The following EGFLAM variants were observed in gnomAD, a reference collection of about 807,000 sequenced individuals.
EGFLAM encodes the protein pikachurin.
EGFLAM carries 79 observed loss-of-function variants against 113.1 expected under a neutral mutation model. That is an observed-to-expected ratio of 0.70 (90% confidence interval 0.58 to 0.84). EGFLAM has a LOEUF of 0.84. Ranked by LOEUF, EGFLAM falls within the 40% of genes least tolerant of loss-of-function variation. EGFLAM has a pLI of 0.00. For synonymous variants in EGFLAM, 504 were observed against 487.6 expected, an observed-to-expected ratio of 1.03 and a Z score of -0.44; for missense variants, 1,265 against 1,291.6, an observed-to-expected ratio of 0.98 and a Z score of 0.32.
chr5:38,313,731 TAATTACTCATGTAATATTTG>T (rs1272215739), intron 1 of EGFLAM, among the ~76,000 whole-genome samples: 1 of 152,250 alleles, frequency 6.6e-6, no homozygotes. Flanking sequence ...TGTACTTCTT[TAATTACTCATGTAATATTTG>T]AATTACTCAT....
Position 38,412,129 on chromosome 5 carries a change from G to T in EGFLAM, c.1350-375G>T, listed in dbSNP as rs533399751. On this transcript the variant is annotated intron_variant, in intron 10 of 21. Coordinates refer to ENST00000322350, the MANE Select transcript of EGFLAM (RefSeq NM_152403.4). ...GTCAACTTTGATTTTAAATACAGGG[G>T]GTACATGTGCAGATTTGCTATGTGG... Among the ~76,000 whole-genome samples the T allele has an allele frequency of 1.1e-4, 17 of 152,212 alleles. No individual in the cohort carries two copies. The East Asian group carries it at 2.9e-3, about 26-fold the overall frequency.
intron 5 of EGFLAM, among the ~76,000 whole-genome samples, chr5:38,369,149 G>A (rs1438415236): frequency 6.6e-6 from 1 of 152,072 alleles, no homozygotes; most frequent in African/African-American, 2.4e-5. Context: ...GAAATACAAC[G>A]CCAGCCTATT....
At chr5:38,325,088 G>A (rs1375839928) in intron 1 of EGFLAM, among the ~76,000 whole-genome samples, 1 of 152,158 alleles carries the variant, frequency 6.6e-6, no homozygotes, top group Admixed American at 6.5e-5. Context: ...AAATGGGTGC[G>A]GGAGCCACAG....
chr5:38,349,916 G>A (rs1739573739), intron 3 of EGFLAM, among the ~76,000 whole-genome samples: 2 of 148,350 alleles, frequency 1.3e-5, no homozygotes, highest in Non-Finnish European at 3.0e-5. Context: ...TTCTTCAGCT[G>A]GGGCTTCCTG....
chr5:38,352,646 C>CAAA (rs541898872), intron 5 of EGFLAM, among the ~76,000 whole-genome samples: 1 of 91,864 alleles, frequency 1.1e-5, no homozygotes, highest in East Asian at 2.8e-4. Flanking sequence ...GACTCCATCC[C>CAAA]AAAAAAAAAA....
At position 38,282,963 on chromosome 5, in the gene EGFLAM, G is replaced by A. The variant is rs139399991; in HGVS notation, c.97+24112G>A. Among the ~76,000 whole-genome samples the A allele has an allele frequency of 8.6e-3, 1,304 of 152,138 alleles. 15 individuals carry two copies. The highest frequency in any genetic ancestry group is 0.029 in the African/African-American group (1,217 of 41,506). On this transcript the variant is annotated intron_variant, in intron 1 of 21. Transcript: ENST00000322350. Reference sequence around the variant, plus strand: ...AGACTCAAGTGATCCTCCCACCTCAGCCCCCAGCCCCCTGAATAGCTGGGA... The same window carrying A: ...AGACTCAAGTGATCCTCCCACCTCAACCCCCAGCCCCCTGAATAGCTGGGA...
At chr5:38,334,953 C>T (rs142988813) in intron 1 of EGFLAM, among the ~76,000 whole-genome samples, 26 of 152,244 alleles carry the variant, frequency 1.7e-4, no homozygotes, top group Admixed American at 6.5e-5. Flanking sequence ...CTAGTTTTCA[C>T]GACGGGTTGG....
chr5:38,297,688 C>T (rs1758479422), intron 1 of EGFLAM, among the ~76,000 whole-genome samples: 1 of 152,186 alleles, frequency 6.6e-6, no homozygotes, highest in Non-Finnish European at 1.5e-5. Flanking sequence ...TAAAGTCACA[C>T]TTCTCAGGCA....
chr5:38,367,034 C>T (rs534465356), intron 5 of EGFLAM, among the ~76,000 whole-genome samples: 2 of 152,282 alleles, frequency 1.3e-5, no homozygotes, highest in African/African-American at 4.8e-5. Context: ...GCCCAGCAAC[C>T]TTCCAAAGCT....
At chr5:38,447,713 G>A (rs1489005078) in intron 17 of EGFLAM, among the ~76,000 whole-genome samples, 6 of 146,196 alleles carry the variant, frequency 4.1e-5, no homozygotes, top group African/African-American at 1.0e-4. Flanking sequence ...CCAAGATCGC[G>A]CCATTTCACT....
chr5:38,396,974 C>G (rs1244780085), intron 6 of EGFLAM, among the ~76,000 whole-genome samples: 1 of 152,140 alleles, frequency 6.6e-6, no homozygotes, highest in Admixed American at 6.6e-5. Flanking sequence ...GTTTGGTTGA[C>G]TGGCTTATGT....
At chr5:38,324,079 G>C (rs1433615700) in intron 1 of EGFLAM, among the ~76,000 whole-genome samples, 2 of 148,908 alleles carry the variant, frequency 1.3e-5, no homozygotes, top group East Asian at 3.9e-4. Context: ...ACTTGCCCTA[G>C]CCAAAGCTTT....
chr5:38,261,688 G>A (rs1757504439), intron 1 of EGFLAM, among the ~76,000 whole-genome samples: 1 of 152,176 alleles, frequency 6.6e-6, no homozygotes, highest in Non-Finnish European at 1.5e-5. Flanking sequence ...TTTGTGTGGG[G>A]ATCCTGCGTT....
intron 1 of EGFLAM, among the ~76,000 whole-genome samples, chr5:38,335,261 T>A (rs1472567618): frequency 6.6e-6 from 1 of 152,238 alleles, no homozygotes; most frequent in Non-Finnish European, 1.5e-5. Context: ...CTGGCACATG[T>A]GTGCAAAAAG....
At chr5:38,347,315 G>T (rs1243622562) in intron 3 of EGFLAM, among the ~76,000 whole-genome samples, 1 of 152,136 alleles carries the variant, frequency 6.6e-6, no homozygotes, top group African/African-American at 2.4e-5. Context: ...CTAGATGTCT[G>T]GTAATACTAT....
intron 13 of EGFLAM, among the ~76,000 whole-genome samples, chr5:38,425,897 G>A (rs1426893070): frequency 6.6e-6 from 1 of 152,192 alleles, no homozygotes; most frequent in East Asian, 1.9e-4. Context: ...GGAGGCCGAG[G>A]TGGGCGGATC....
At chr5:38,303,797 C>T (rs78649665) in intron 1 of EGFLAM, among the ~76,000 whole-genome samples, 13,797 of 151,932 alleles carry the variant, frequency 0.091, 837 homozygotes, top group Admixed American at 0.18. Context: ...AATTTCAAAA[C>T]GGAAGGTAGA....
chr5:38,282,846 C>T (rs2017097), intron 1 of EGFLAM, among the ~76,000 whole-genome samples: 25,419 of 150,800 alleles, frequency 0.17, 2,754 homozygotes, highest in African/African-American at 0.3. Context: ...TGTTTGTTTG[C>T]TTGTTTGTTT....
intron 1 of EGFLAM, chr5:38,286,186 ACTC>A (rs1021063377): frequency 3.9e-5 from 6 of 152,102 alleles, no homozygotes; most frequent in African/African-American, 1.4e-4. Context: ...GAACACTTTT[ACTC>A]CTCTTAACAT....
Sources: gnomAD v4.1 joint callset for allele counts (sites outside exome capture counted in the v4.1 genomes callset) on GRCh38, gnomAD v4.1.1 for gene constraint, MANE v1.5 for transcripts, NCBI Gene and HGNC (gene_info 2026-07-23, HGNC 2026-07-21) for gene names.